TBCK: variants seen among roughly 807,000 people sequenced by gnomAD.
TBCK encodes the protein TBC domain-containing protein kinase-like protein.
In TBCK, 99 loss-of-function variants were observed where a neutral mutation model predicts 113.4. That is an observed-to-expected ratio of 0.87 (90% CI 0.74 to 1.03). TBCK has a LOEUF of 1.03. TBCK is among the 50% of genes least tolerant of loss of function. The probability of loss-of-function intolerance (pLI) is 0.00; values close to 1 mark genes in which losing one functional copy is unlikely to be tolerated. For synonymous variants in TBCK, 369 were observed against 370.8 expected (o/e 1.00, Z 0.05); for missense variants, 1,045 against 1,061.3 (o/e 0.98, Z 0.21).
At chr4:106,089,178 T>C (rs187083805) in intron 25 of TBCK, among the ~76,000 whole-genome samples, 17 of 152,180 alleles carry the variant, frequency 1.1e-4, no homozygotes, top group African/African-American at 3.9e-4. Flanking sequence ...GGAGTTAGCA[T>C]GTCACATGGC....
chr4:106,083,242 C>G (rs1322681990), intron 25 of TBCK, among the ~76,000 whole-genome samples: 15 of 152,306 alleles, frequency 9.8e-5, no homozygotes, highest in African/African-American at 3.6e-4. Context: ...GGGCTTTTTC[C>G]CTGCTGGAGC....
At chr4:106,144,754 T>C (rs2149662764) in intron 23 of TBCK, among the ~76,000 whole-genome samples, 1 of 152,328 alleles carries the variant, frequency 6.6e-6, no homozygotes, top group South Asian at 2.1e-4. Context: ...CTGGGCATGG[T>C]GGCTCACGCC....
At chr4:106,260,277 CTACTCATTTTAAAAG>C (rs1207728772) in intron 5 of TBCK, among the ~76,000 whole-genome samples, 145 bp downstream of exon 5, 2 of 151,742 alleles carry the variant, frequency 1.3e-5, no homozygotes, top group Non-Finnish European at 2.9e-5. Context: ...AACTCATTGT[CTACTCATTTTAAAAG>C]TATATGGAAA....
intron 25 of TBCK, among the ~76,000 whole-genome samples, chr4:106,082,339 G>C (rs551981893): frequency 5.9e-5 from 9 of 152,300 alleles, no homozygotes; most frequent in Admixed American, 4.6e-4. Context: ...TGCAGGAACA[G>C]AAAACCAAAC....
chr4:106,240,095 A>G (rs1759922681), intron 12 of TBCK, among the ~76,000 whole-genome samples: 1 of 152,054 alleles, frequency 6.6e-6, no homozygotes, highest in African/African-American at 2.4e-5. Flanking sequence ...AACCCCATCA[A>G]CATAATTAAA....
At chr4:106,074,130 C>G (rs1466165393) in intron 25 of TBCK, among the ~76,000 whole-genome samples, 1 of 152,168 alleles carries the variant, frequency 6.6e-6, no homozygotes, top group Non-Finnish European at 1.5e-5. Flanking sequence ...ACTGTCCAAG[C>G]AGTCCCAATG....
At chr4:106,225,216 CT>C (rs1252504282) in intron 19 of TBCK, among the ~76,000 whole-genome samples, 4 of 151,848 alleles carry the variant, frequency 2.6e-5, no homozygotes, top group African/African-American at 9.7e-5. Context: ...TTTAAAACAC[CT>C]TGTCTATTGA....
At chr4:106,123,304 C>T (rs941766524) in intron 23 of TBCK, among the ~76,000 whole-genome samples, 1 of 152,170 alleles carries the variant, frequency 6.6e-6, no homozygotes, top group Non-Finnish European at 1.5e-5. Flanking sequence ...ATCTAGGAAT[C>T]CAACTTACAA....
chr4:106,146,454 G>T (rs1296111819), intron 23 of TBCK, among the ~76,000 whole-genome samples: 1 of 152,032 alleles, frequency 6.6e-6, no homozygotes, highest in Non-Finnish European at 1.5e-5. Context: ...AGGGAGAGTG[G>T]AAAGAGAGAG....
intron 18 of TBCK, among the ~76,000 whole-genome samples, chr4:106,230,896 GA>G (rs1758784709): frequency 6.6e-6 from 1 of 151,796 alleles, no homozygotes; most frequent in African/African-American, 2.4e-5. Flanking sequence ...CAGTATGAGT[GA>G]TCATTGGCTA....
chr4:106,067,283 G>T (rs1736754418), intron 25 of TBCK, among the ~76,000 whole-genome samples: 1 of 152,098 alleles, frequency 6.6e-6, no homozygotes, highest in Admixed American at 6.5e-5. Flanking sequence ...ATCTTCCTCA[G>T]AGAAATGTCT....
chr4:106,067,880 A>T (rs907314956), intron 25 of TBCK, among the ~76,000 whole-genome samples: 1 of 152,074 alleles, frequency 6.6e-6, no homozygotes, highest in African/African-American at 2.4e-5. Flanking sequence ...TATCGTTTTG[A>T]TTACTATAGC....
At chr4:106,310,754 T>A (rs1381397621) in intron 1 of TBCK, among the ~76,000 whole-genome samples, 5 of 152,108 alleles carry the variant, frequency 3.3e-5, no homozygotes, top group Admixed American at 3.3e-4. Flanking sequence ...TGTCTGAGAA[T>A]CATCAGATAG....
At chr4:106,131,425 C>G (rs530749429) in intron 23 of TBCK, among the ~76,000 whole-genome samples, 99 of 152,262 alleles carry the variant, frequency 6.5e-4, no homozygotes, top group African/African-American at 2.3e-3. Flanking sequence ...CCAGCCTGAC[C>G]AAGATGGAGA....
intron 25 of TBCK, among the ~76,000 whole-genome samples, chr4:106,068,131 A>C (rs1426728264): frequency 6.6e-6 from 1 of 152,082 alleles, no homozygotes; most frequent in Non-Finnish European, 1.5e-5. Context: ...CTATTTAGAT[A>C]TTCAATTTCT....
intron 5 of TBCK, among the ~76,000 whole-genome samples, chr4:106,258,773 C>T (rs1251801665): frequency 1.3e-5 from 2 of 151,798 alleles, no homozygotes; most frequent in Non-Finnish European, 3.0e-5. Flanking sequence ...AAAGTCACCT[C>T]GAAAGGCATT....
intron 23 of TBCK, among the ~76,000 whole-genome samples, chr4:106,145,768 A>T (rs1747719697): frequency 6.6e-6 from 1 of 152,218 alleles, no homozygotes; most frequent in African/African-American, 2.4e-5. Context: ...AACAAGACAC[A>T]TATGTAGCCA....
chr4:106,109,949 A>C (rs1364139188), intron 24 of TBCK, among the ~76,000 whole-genome samples: 1 of 152,096 alleles, frequency 6.6e-6, no homozygotes. Context: ...AGGCAGCCAA[A>C]CCCTCTTATC....
At chr4:106,064,786 A>G (rs1736436640) in intron 25 of TBCK, among the ~76,000 whole-genome samples, 1 of 151,892 alleles carries the variant, frequency 6.6e-6, no homozygotes, top group South Asian at 2.1e-4. Flanking sequence ...TGGAGCTTTC[A>G]ATTTCTTCTA....
Sources: gnomAD v4.1 joint callset for allele counts (sites outside exome capture counted in the v4.1 genomes callset) on GRCh38, gnomAD v4.1.1 for gene constraint, MANE v1.5 for transcripts, NCBI Gene and HGNC (gene_info 2026-07-23, HGNC 2026-07-21) for gene names.